WDPCP: variants seen among roughly 807,000 people sequenced by gnomAD.
The protein encoded by WDPCP is WD repeat-containing and planar cell polarity effector protein fritz homolog.
In WDPCP, 71 loss-of-function variants were observed where a neutral mutation model predicts 93.1. The ratio of observed to expected loss-of-function variants is 0.76; its 90% CI spans 0.63 to 0.93. WDPCP has a LOEUF of 0.93. WDPCP is among the 40% of genes least tolerant of loss of function. The probability of loss-of-function intolerance (pLI) is 0.00; values close to 1 mark genes in which losing one functional copy is unlikely to be tolerated. For missense variants in WDPCP, 844 were observed against 887.4 expected (o/e 0.95, Z 0.62); for synonymous variants, 315 against 315.0 (o/e 1.00, Z 0.00).
At chr2:63,527,372 C>A (rs185460815) in intron 1 of WDPCP, among the ~76,000 whole-genome samples, 1 of 116,096 alleles carries the variant, frequency 8.6e-6, no homozygotes, top group Non-Finnish European at 1.7e-5. Flanking sequence ...CCTCCCCCCA[C>A]CCCCAACCAA....
chr2:63,511,164 A>G (rs2106088330), intron 1 of WDPCP, among the ~76,000 whole-genome samples: 1 of 152,322 alleles, frequency 6.6e-6, no homozygotes, highest in South Asian at 2.1e-4. Flanking sequence ...AAAGAGAATA[A>G]AATACCTGGG....
At chr2:63,722,094 C>T (rs1180150488) in intron 2 of WDPCP, among the ~76,000 whole-genome samples, 2 of 136,414 alleles carry the variant, frequency 1.5e-5, no homozygotes, top group African/African-American at 5.7e-5. Context: ...TCCACCTCCC[C>T]GCCGCCTGCC....
At chr2:63,701,247 A>T (rs1016575865) in intron 2 of WDPCP, among the ~76,000 whole-genome samples, 52 of 151,472 alleles carry the variant, frequency 3.4e-4, no homozygotes, top group African/African-American at 1.2e-3. Context: ...ATAAGAATAT[A>T]AAAAAAAATG....
chr2:63,384,896 A>G (rs1453837546), intron 10 of WDPCP, among the ~76,000 whole-genome samples: 1 of 152,020 alleles, frequency 6.6e-6, no homozygotes, highest in African/African-American at 2.4e-5. Flanking sequence ...CTACAGACCA[A>G]TATTTCCCAT....
In WDPCP at chr2:63,748,731, T is replaced by C. The variant is rs141111104; in HGVS notation, n.308+64891A>G. Among the ~76,000 whole-genome samples the C allele has an allele frequency of 3.8e-3, 580 of 152,216 alleles. 6 individuals carry two copies. The highest frequency in any genetic ancestry group is 0.013 in the African/African-American group (551 of 41,566). On this transcript the variant is annotated intron_variant and non_coding_transcript_variant, in intron 2 of 4. Transcript: ENST00000467687. ...GTGAAATACATATGGACATATTCCT[T>C]GTAGCTCTTGCTTTTGCTGTGTATC...
chr2:63,612,389 T>C (rs1709623732), intron 3 of WDPCP, among the ~76,000 whole-genome samples: 1 of 152,188 alleles, frequency 6.6e-6, no homozygotes, highest in African/African-American at 2.4e-5. Flanking sequence ...TATGCCACTT[T>C]AGCATAAGAA....
chr2:63,542,436 T>C (rs1704817359), intron 1 of WDPCP, among the ~76,000 whole-genome samples: 1 of 152,202 alleles, frequency 6.6e-6, no homozygotes, highest in Non-Finnish European at 1.5e-5. Context: ...GTTACTCCCA[T>C]TTTCATGGCT....
intron 11 of WDPCP, among the ~76,000 whole-genome samples, chr2:63,379,401 A>T (rs549245134): frequency 4.6e-4 from 70 of 152,160 alleles, no homozygotes; most frequent in Non-Finnish European, 8.7e-4. Context: ...ACCTCATCAG[A>T]GTAATTACTA....
At chr2:63,621,391 T>C (rs1330380566) in intron 3 of WDPCP, among the ~76,000 whole-genome samples, 3 of 151,824 alleles carry the variant, frequency 2.0e-5, no homozygotes, top group Admixed American at 6.6e-5. Flanking sequence ...CAAGTATCAA[T>C]AGCCGAATTG....
At chr2:63,609,450 T>C (rs1377044212) in intron 3 of WDPCP, among the ~76,000 whole-genome samples, 1 of 152,162 alleles carries the variant, frequency 6.6e-6, no homozygotes, top group African/African-American at 2.4e-5. Flanking sequence ...AAAGAAAACA[T>C]GCTCTTACTC....
intron 1 of WDPCP, among the ~76,000 whole-genome samples, chr2:63,545,706 G>C (rs1705102541): frequency 6.6e-6 from 1 of 151,874 alleles, no homozygotes; most frequent in African/African-American, 2.4e-5. Flanking sequence ...GATCCACCTA[G>C]AAACATTCAA....
At chr2:63,267,997 T>TA (rs1682291142) in intron 13 of WDPCP, among the ~76,000 whole-genome samples, 1 of 152,170 alleles carries the variant, frequency 6.6e-6, no homozygotes, top group Non-Finnish European at 1.5e-5. Context: ...TTGAAATTGA[T>TA]ATGTCAAGCA....
intron 14 of WDPCP, among the ~76,000 whole-genome samples, chr2:63,211,590 A>G (rs957636758): frequency 6.6e-6 from 1 of 152,222 alleles, no homozygotes; most frequent in Non-Finnish European, 1.5e-5. Context: ...CTTGCCAGCA[A>G]CAGAACAAAG....
At chr2:63,771,864 A>G (rs910589586) in intron 2 of WDPCP, among the ~76,000 whole-genome samples, 12 of 152,098 alleles carry the variant, frequency 7.9e-5, no homozygotes, top group Admixed American at 6.6e-4. Flanking sequence ...GTTGCTACAA[A>G]GGACTTACTT....
chr2:63,830,854 T>G (rs1046808625), upstream of WDPCP, among the ~76,000 whole-genome samples: 2 of 152,194 alleles, frequency 1.3e-5, no homozygotes, highest in African/African-American at 4.8e-5. Flanking sequence ...CTCTTATCCA[T>G]TCTCATGGTT....
rs149832389 is a variant in WDPCP at position 63,651,015 on chromosome 2, C to T, written n.309-177G>A. 1.0e-3 allele frequency among the ~76,000 whole-genome samples: 157 copies of T among 152,102 alleles called. 1 individual carries two copies. Among genetic ancestry groups the T allele is most frequent in the African/African-American group, 3.7e-3 (155 of 41,484 alleles). Reference sequence around the variant, plus strand: ...CAGGGCTTTGGAAATTTGTCTCCCTCGAATACAAAGAGACAAACTTGAGAC... The same window carrying T: ...CAGGGCTTTGGAAATTTGTCTCCCTTGAATACAAAGAGACAAACTTGAGAC... On this transcript the variant is annotated intron_variant and non_coding_transcript_variant, in intron 2 of 4. Coordinates refer to the WDPCP transcript ENST00000467687.
chr2:63,379,532 C>T (rs1457440376), intron 11 of WDPCP, among the ~76,000 whole-genome samples: 1 of 152,034 alleles, frequency 6.6e-6, no homozygotes, highest in Non-Finnish European at 1.5e-5. Context: ...CAATTGAATA[C>T]AGCAATGCTA....
chr2:63,195,013 G>T (rs538912445), intron 14 of WDPCP, among the ~76,000 whole-genome samples: 51 of 152,134 alleles, frequency 3.4e-4, no homozygotes, highest in African/African-American at 1.1e-3. Flanking sequence ...TCTCAAAAAT[G>T]TATGGTAATT....
intron 1 of WDPCP, among the ~76,000 whole-genome samples, chr2:63,499,259 C>A (rs1184224689): frequency 6.6e-6 from 1 of 152,024 alleles, no homozygotes; most frequent in Non-Finnish European, 1.5e-5. Context: ...AAGGAGGGAA[C>A]AATACCCAAA....
Sources: allele counts gnomAD v4.1 joint callset (sites outside exome capture counted in the v4.1 genomes callset), GRCh38; gene constraint gnomAD v4.1.1; transcripts MANE v1.5; gene names NCBI Gene and HGNC (gene_info 2026-07-23, HGNC 2026-07-21).